The following NTRK2 variants were observed in gnomAD, a reference collection of about 807,000 sequenced individuals.
NTRK2 encodes the protein neurotrophic receptor tyrosine kinase 2, also known as BDNF/NT-3 growth factors receptor.
NTRK2 carries 13 observed loss-of-function variants against 94.5 expected under a neutral mutation model. That is an observed-to-expected ratio of 0.14 (90% confidence interval 0.09 to 0.22). NTRK2 has a LOEUF of 0.22. Among genes scored for constraint, NTRK2 ranks in the 10% least tolerant of loss-of-function variants. The probability of loss-of-function intolerance (pLI) is 1.00; values close to 1 mark genes in which losing one functional copy is unlikely to be tolerated. For missense variants in NTRK2, 639 were observed against 1,071.2 expected (o/e 0.60, Z 5.63); for synonymous variants, 372 against 407.4 (o/e 0.91, Z 1.05).
chr9:84,714,415 GT>G (rs1023847016), intron 6 of NTRK2, among the ~76,000 whole-genome samples: 1 of 152,126 alleles, frequency 6.6e-6, no homozygotes, highest in Non-Finnish European at 1.5e-5. Context: ...GTTCTTTATA[GT>G]TTCTTCTCCA....
intron 12 of NTRK2, among the ~76,000 whole-genome samples, chr9:84,788,059 C>A (rs2068303350): frequency 6.6e-6 from 1 of 152,086 alleles, no homozygotes; most frequent in Non-Finnish European, 1.5e-5. Context: ...AGCTAAAAAG[C>A]TTGGCATATG....
At position 84,727,958 on chromosome 9, in the gene NTRK2, T is replaced by C. The variant is rs1373972143; in HGVS notation, c.1158T>C (p.Asp386=). ...AHFMGWPGID[D]GANPNYPDVI... is the part of the protein sequence containing the mutation. ...TCATGGGCTGGCCTGGAATTGACGATGGTGAGTAACTGACACTTTTGTATG... is the reference window on the plus strand; with the variant it reads ...TCATGGGCTGGCCTGGAATTGACGACGGTGAGTAACTGACACTTTTGTATG... The change falls in exon 9 of 19, where the codon GAT becomes GAC. Residue 386 remains aspartate, a splice_region_variant and synonymous_variant. Coordinates refer to ENST00000277120, the MANE Select transcript of NTRK2 (RefSeq NM_006180.6). 3.1e-6 allele frequency: 5 copies of C among 1,613,748 alleles called. No homozygotes were observed. Among genetic ancestry groups the C allele is most frequent in the Admixed American group, 1.7e-5 (1 of 60,004 alleles).
rs1564470726 is a variant in NTRK2 at position 84,926,116 on chromosome 9, T to TC, written c.1634-8044dup. ...TCCTTCCTTCCTTCCTTTCCTTCCT[T>TC]CCTTCCTTCCTTCCTTCCTTCCTTC... On this transcript the variant is annotated intron_variant, in intron 14 of 18. Coordinates refer to ENST00000277120, the MANE Select transcript of NTRK2 (RefSeq NM_006180.6). Among the ~76,000 whole-genome samples, 385 of 42,302 alleles carry TC rather than the reference T, an allele frequency of 9.1e-3. 6 individuals are homozygous for TC. The highest frequency in any genetic ancestry group is 0.025 in the African/African-American group (359 of 14,264). The allele number at this position is 42,302 out of a possible 152,430, so 27.8% of individuals were successfully genotyped here. A position where few individuals can be genotyped will look rare whatever the true frequency, so the allele number is the denominator to read the frequency against.
chr9:84,879,893 G>A (rs952070950), intron 14 of NTRK2, among the ~76,000 whole-genome samples: 1 of 152,188 alleles, frequency 6.6e-6, no homozygotes, highest in Non-Finnish European at 1.5e-5. Context: ...GGAGGAACCT[G>A]CCAGTGGGCA....
intron 12 of NTRK2, chr9:84,810,621 G>T (rs1049271379): frequency 6.2e-7 from 1 of 1,613,722 alleles, no homozygotes; most frequent in Non-Finnish European, 8.5e-7. Context: ...TGTGGTGCTT[G>T]TTGGTTGATG....
At chr9:84,992,208 G>C (rs969591130) in intron 17 of NTRK2, among the ~76,000 whole-genome samples, 2 of 152,106 alleles carry the variant, frequency 1.3e-5, no homozygotes, top group African/African-American at 2.4e-5. Flanking sequence ...TATCAAGTTG[G>C]CTGGGGGTAG....
At chr9:84,687,354 C>G (rs1338402092) in intron 2 of NTRK2, among the ~76,000 whole-genome samples, 2 of 152,346 alleles carry the variant, frequency 1.3e-5, no homozygotes, top group Non-Finnish European at 2.9e-5. Flanking sequence ...TCATTTGTCT[C>G]ATTTGCACAA....
chr9:84,860,212 A>G (rs1244630961), intron 12 of NTRK2, among the ~76,000 whole-genome samples: 2 of 152,160 alleles, frequency 1.3e-5, no homozygotes, highest in Non-Finnish European at 2.9e-5. Context: ...ATATTCAGGT[A>G]TTTCCCCACT....
intron 14 of NTRK2, chr9:84,876,274 A>G: frequency 9.6e-7 from 1 of 1,044,680 alleles, no homozygotes; most frequent in African/African-American, 1.7e-5. Context: ...GCTAGTCTCC[A>G]CTTTAGGGAA....
At chr9:84,687,958 C>G (rs2059818284) in intron 2 of NTRK2, among the ~76,000 whole-genome samples, 1 of 152,134 alleles carries the variant, frequency 6.6e-6, no homozygotes, top group Non-Finnish European at 1.5e-5. Context: ...GCCTACACAC[C>G]CAAACTCTAT....
At chr9:84,811,431 A>G (rs1393991649) in intron 12 of NTRK2, 16 of 1,065,914 alleles carry the variant, frequency 1.5e-5, no homozygotes, top group Non-Finnish European at 1.8e-5. Flanking sequence ...ATATATGCAT[A>G]TGGTGAAATT....
intron 12 of NTRK2, among the ~76,000 whole-genome samples, chr9:84,854,366 G>A (rs2074952438): frequency 1.3e-5 from 2 of 152,064 alleles, no homozygotes; most frequent in Non-Finnish European, 2.9e-5. Flanking sequence ...TGTGCTTCCT[G>A]GGATCTCTTC....
chr9:84,851,604 T>C (rs2074774039), intron 12 of NTRK2, among the ~76,000 whole-genome samples: 1 of 152,126 alleles, frequency 6.6e-6, no homozygotes, highest in Non-Finnish European at 1.5e-5. Context: ...TGGATTCGAA[T>C]GTGGTTATGG....
chr9:84,978,110 C>G (rs919402917), intron 17 of NTRK2, among the ~76,000 whole-genome samples: 3 of 152,156 alleles, frequency 2.0e-5, no homozygotes, highest in Non-Finnish European at 2.9e-5. Flanking sequence ...TAACCCTACA[C>G]AAACCTCCAA....
chr9:84,683,001 C>T (rs1367833121), intron 2 of NTRK2, among the ~76,000 whole-genome samples: 1 of 152,158 alleles, frequency 6.6e-6, no homozygotes, highest in Non-Finnish European at 1.5e-5. Flanking sequence ...AATAAGCTCT[C>T]TCTGGCCTCT....
intron 6 of NTRK2, among the ~76,000 whole-genome samples, chr9:84,717,395 C>A (rs994391332): frequency 2.0e-5 from 3 of 152,214 alleles, no homozygotes; most frequent in Admixed American, 2.0e-4. Flanking sequence ...AGGGCCTACA[C>A]ACTTTGAATG....
intron 12 of NTRK2, among the ~76,000 whole-genome samples, chr9:84,859,635 A>G (rs922062370): frequency 3.3e-5 from 5 of 152,240 alleles, no homozygotes; most frequent in Admixed American, 1.3e-4. Context: ...TGTAACATTG[A>G]AAAACATCTT....
chr9:84,905,136 A>G (rs1286927521), intron 14 of NTRK2, among the ~76,000 whole-genome samples: 1 of 152,176 alleles, frequency 6.6e-6, no homozygotes, highest in Non-Finnish European at 1.5e-5. Context: ...GTGAAACACG[A>G]GTGGCAAATG....
intron 2 of NTRK2, among the ~76,000 whole-genome samples, chr9:84,700,816 A>G (rs954637701): frequency 6.6e-6 from 1 of 152,060 alleles, no homozygotes; most frequent in African/African-American, 2.4e-5. Flanking sequence ...ATATATCTTA[A>G]ATTTTTTCAA....
Sources: allele counts gnomAD v4.1 joint callset (sites outside exome capture counted in the v4.1 genomes callset), GRCh38; gene constraint gnomAD v4.1.1; transcripts MANE v1.5; gene names NCBI Gene and HGNC (gene_info 2026-07-23, HGNC 2026-07-21).